The following TMPRSS11D variants were observed in gnomAD, a reference collection of about 807,000 sequenced individuals.
The protein encoded by TMPRSS11D is transmembrane serine protease 11D.
In TMPRSS11D, 32 loss-of-function variants were observed where a neutral mutation model predicts 44.4. That is an observed-to-expected ratio of 0.72 (90% CI 0.54 to 0.97). The LOEUF (loss-of-function observed/expected upper bound fraction) is 0.97, where lower values mean the gene tolerates loss of function less well. Among genes scored for constraint, TMPRSS11D ranks in the 50% least tolerant of loss-of-function variants. TMPRSS11D has a pLI of 0.00. For missense variants in TMPRSS11D, 446 were observed against 502.6 expected (o/e 0.89, Z 1.08); for synonymous variants, 179 against 177.9 (o/e 1.01, Z -0.05).
intron 1 of TMPRSS11D, among the ~76,000 whole-genome samples, chr4:67,869,966 C>G (rs1437799302): frequency 6.6e-6 from 1 of 152,092 alleles, no homozygotes; most frequent in Non-Finnish European, 1.5e-5. Context: ...AACACCCTCC[C>G]CTGCCAAAAA....
At chr4:67,835,230 G>C (rs750515658) in intron 5 of TMPRSS11D, 109 bp from the exon 6 acceptor site, 26 of 1,012,410 alleles carry the variant, frequency 2.6e-5, no homozygotes, top group Non-Finnish European at 3.7e-5. Context: ...TTACTTGTTG[G>C]GGTTGGGAGG....
At chr4:67,863,135 T>A (rs1718832816) in intron 1 of TMPRSS11D, among the ~76,000 whole-genome samples, 1 of 150,780 alleles carries the variant, frequency 6.6e-6, no homozygotes, top group Non-Finnish European at 1.5e-5. Flanking sequence ...AACTCATAAC[T>A]CTTATGCTCA....
chr4:67,849,333 T>C (rs1185838790), intron 3 of TMPRSS11D, among the ~76,000 whole-genome samples: 1 of 152,098 alleles, frequency 6.6e-6, no homozygotes, highest in Non-Finnish European at 1.5e-5. Context: ...GTAACTAGAG[T>C]ACAAAAGAAT....
At chr4:67,844,981 GA>G (rs1264215967) in intron 3 of TMPRSS11D, among the ~76,000 whole-genome samples, 1 of 152,114 alleles carries the variant, frequency 6.6e-6, no homozygotes, top group Non-Finnish European at 1.5e-5. Context: ...AATCGAAGTA[GA>G]AAAAACTGTC....
intron 1 of TMPRSS11D, among the ~76,000 whole-genome samples, chr4:67,869,876 C>T (rs1407665225): frequency 6.6e-6 from 1 of 152,156 alleles, no homozygotes; most frequent in South Asian, 2.1e-4. Context: ...TTATATAGAT[C>T]TTCCCCATTA....
At chr4:67,868,948 A>G (rs1718990959) in intron 1 of TMPRSS11D, among the ~76,000 whole-genome samples, 2 of 152,334 alleles carry the variant, frequency 1.3e-5, no homozygotes, top group African/African-American at 2.4e-5. Context: ...ATGAAAAATT[A>G]GAACCATTCC....
At chr4:67,871,924 A>G (rs1439282091) in intron 1 of TMPRSS11D, among the ~76,000 whole-genome samples, 1 of 152,166 alleles carries the variant, frequency 6.6e-6, no homozygotes, top group Non-Finnish European at 1.5e-5. Flanking sequence ...AAGTGTTGGG[A>G]GCAATACTTT....
chr4:67,848,816 T>G (rs1172055092), intron 3 of TMPRSS11D, among the ~76,000 whole-genome samples: 1 of 152,188 alleles, frequency 6.6e-6, no homozygotes, highest in African/African-American at 2.4e-5. Context: ...GACAGGAAAT[T>G]CCCAATCATG....
At chr4:67,872,280 C>T (rs902236090) in intron 1 of TMPRSS11D, among the ~76,000 whole-genome samples, 10 of 152,004 alleles carry the variant, frequency 6.6e-5, no homozygotes, top group African/African-American at 2.4e-4. Flanking sequence ...TTCCTTCCTC[C>T]TTTCTTTCAT....
intron 1 of TMPRSS11D, among the ~76,000 whole-genome samples, chr4:67,868,716 T>C (rs900281563): frequency 2.0e-5 from 3 of 152,154 alleles, no homozygotes; most frequent in Admixed American, 6.5e-5. Context: ...TTTCTTGGCT[T>C]TAGGGTATCA....
intron 1 of TMPRSS11D, among the ~76,000 whole-genome samples, chr4:67,878,953 T>G (rs910883172): frequency 2.6e-5 from 4 of 152,118 alleles, no homozygotes; most frequent in Non-Finnish European, 5.9e-5. Flanking sequence ...TAATTATATA[T>G]ATCATAAAAG....
intron 1 of TMPRSS11D, among the ~76,000 whole-genome samples, chr4:67,879,405 C>T (rs1456098274): frequency 3.5e-5 from 5 of 144,080 alleles, no homozygotes; most frequent in East Asian, 4.2e-4. Flanking sequence ...GGCATGAACC[C>T]GGGAGGCAGA....
Position 67,844,638 on chromosome 4 carries a change from G to T in TMPRSS11D, c.250-2013C>A, listed in dbSNP as rs531613515. Among the ~76,000 whole-genome samples the T allele has an allele frequency of 9.2e-5, 14 of 152,116 alleles. No homozygotes were observed. In the South Asian group the frequency reaches 2.7e-3, roughly 29 times the overall value. Reference sequence around the variant, plus strand: ...AAAATACAAAAAAAAAATTAGCCAGGTGTGGTGGCAGGCACCTGTAATCCC... The same window carrying T: ...AAAATACAAAAAAAAAATTAGCCAGTTGTGGTGGCAGGCACCTGTAATCCC... On this transcript the variant is annotated intron_variant, in intron 3 of 9. Transcript: ENST00000283916.
At chr4:67,827,178 C>T (rs1334254353) in intron 8 of TMPRSS11D, 83 bp downstream of exon 8, 11 of 1,488,904 alleles carry the variant, frequency 7.4e-6, no homozygotes, top group Non-Finnish European at 9.9e-6. Context: ...AACACCTATT[C>T]CAGATGTTTC....
chr4:67,852,253 A>T (rs1215817286), intron 3 of TMPRSS11D, among the ~76,000 whole-genome samples: 1 of 152,184 alleles, frequency 6.6e-6, no homozygotes, highest in Non-Finnish European at 1.5e-5. Context: ...ACGTAGTTAG[A>T]GTTGGAAACC....
intron 1 of TMPRSS11D, among the ~76,000 whole-genome samples, chr4:67,865,524 T>G (rs1190369866): frequency 6.6e-6 from 1 of 150,716 alleles, no homozygotes; most frequent in Non-Finnish European, 1.5e-5. Context: ...TTACAAAGGA[T>G]CAATGAAAGA....
intron 6 of TMPRSS11D, among the ~76,000 whole-genome samples, chr4:67,834,129 C>T (rs780212158): frequency 3.9e-5 from 6 of 152,146 alleles, no homozygotes; most frequent in Non-Finnish European, 7.3e-5. Context: ...TCACCCAATT[C>T]CTCTCAACTC....
chr4:67,852,942 G>A (rs1718543876), intron 3 of TMPRSS11D, among the ~76,000 whole-genome samples: 1 of 152,192 alleles, frequency 6.6e-6, no homozygotes, highest in Non-Finnish European at 1.5e-5. Context: ...TATGTGGCAT[G>A]AGATCAACAC....
intron 3 of TMPRSS11D, among the ~76,000 whole-genome samples, chr4:67,853,115 T>C (rs957976192): frequency 2.0e-5 from 3 of 152,122 alleles, no homozygotes; most frequent in African/African-American, 7.2e-5. Context: ...CATGAGAAGG[T>C]GCTTAGCTAA....
Sources: allele counts gnomAD v4.1 joint callset (sites outside exome capture counted in the v4.1 genomes callset), GRCh38; gene constraint gnomAD v4.1.1; transcripts MANE v1.5; gene names NCBI Gene and HGNC (gene_info 2026-07-23, HGNC 2026-07-21).